CELF4: variants seen among roughly 807,000 people sequenced by gnomAD.
CELF4 encodes CUG-BP- and ETR-3-like factor 4.
Under a neutral mutation model 59.9 loss-of-function variants are expected in CELF4, and 18 were observed. The ratio of observed to expected loss-of-function variants is 0.30; its 90% confidence interval spans 0.21 to 0.45. The LOEUF is 0.45. Ranked by LOEUF, CELF4 falls within the 20% of genes least tolerant of loss-of-function variation. The probability of loss-of-function intolerance (pLI) is 1.00; values close to 1 mark genes in which losing one functional copy is unlikely to be tolerated. For synonymous variants in CELF4, 261 were observed against 267.1 expected (o/e 0.98, Z 0.22); for missense variants, 456 against 689.0 (o/e 0.66, Z 3.79).
intron 2 of CELF4, among the ~76,000 whole-genome samples, chr18:37,410,102 G>A (rs958303669): frequency 1.2e-4 from 19 of 152,230 alleles, no homozygotes; most frequent in African/African-American, 4.6e-4. Context: ...GTGCCGATGT[G>A]TGTGAGGTTC....
intron 2 of CELF4, among the ~76,000 whole-genome samples, chr18:37,373,880 G>A (rs1345356564): frequency 2.6e-5 from 4 of 152,236 alleles, no homozygotes; most frequent in Admixed American, 6.5e-5. Flanking sequence ...CACAGCCTCT[G>A]TCAAGCTGCC....
intron 8 of CELF4, 129 bp downstream of exon 8, chr18:37,270,639 T>C: frequency 2.6e-6 from 3 of 1,149,274 alleles, no homozygotes; most frequent in Non-Finnish European, 3.7e-6. Context: ...CCCTCTCTGA[T>C]CACACTTGGG....
intron 2 of CELF4, among the ~76,000 whole-genome samples, chr18:37,475,623 G>A (rs1006822300): frequency 6.6e-6 from 1 of 152,202 alleles, no homozygotes. Flanking sequence ...GAGCGGGGAA[G>A]CTGGAGACTT....
At chr18:37,289,024 C>G (rs1329704404) in intron 3 of CELF4, among the ~76,000 whole-genome samples, 2 of 152,176 alleles carry the variant, frequency 1.3e-5, no homozygotes, top group African/African-American at 4.8e-5. Flanking sequence ...ACCACTCAGT[C>G]CGGCAGTCAG....
chr18:37,489,977 T>C (rs2099895619), intron 1 of CELF4, among the ~76,000 whole-genome samples: 1 of 152,148 alleles, frequency 6.6e-6, no homozygotes, highest in South Asian at 2.1e-4. Context: ...AAGGATCCAG[T>C]GTGGCTGCTT....
In CELF4 at chr18:37,457,257, C is replaced by T. The variant is rs115733711; in HGVS notation, c.369+28268G>A. Among the ~76,000 whole-genome samples, 870 of 152,286 alleles carry T rather than the reference C, an allele frequency of 5.7e-3. 11 individuals carry two copies. Among genetic ancestry groups the T allele is most frequent in the African/African-American group, 0.02 (819 of 41,560 alleles). On this transcript the variant is annotated intron_variant, in intron 2 of 12. Coordinates refer to ENST00000420428, the MANE Select transcript of CELF4 (RefSeq NM_020180.4). ...TCTTCAGGAGACACCAGCGGCTGAT[C>T]GTGGCCCCTCGCTGCCAGCTAGGCC...
intron 2 of CELF4, among the ~76,000 whole-genome samples, chr18:37,440,232 G>A (rs192863423): frequency 4.1e-4 from 63 of 152,304 alleles, no homozygotes; most frequent in African/African-American, 1.4e-3. Flanking sequence ...GGGGGGCCTC[G>A]GTGAGGGGGA....
intron 2 of CELF4, among the ~76,000 whole-genome samples, chr18:37,389,102 G>T (rs2099129989): frequency 6.6e-6 from 1 of 152,188 alleles, no homozygotes; most frequent in South Asian, 2.1e-4. Flanking sequence ...AAACACAGAG[G>T]AAATGAGGGG....
intron 1 of CELF4, among the ~76,000 whole-genome samples, chr18:37,502,599 G>A (rs944078880): frequency 1.3e-5 from 2 of 152,106 alleles, no homozygotes; most frequent in Non-Finnish European, 2.9e-5. Flanking sequence ...AGTGTGGCCC[G>A]GGCCCCACTG....
chr18:37,410,237 A>G (rs2099429316), intron 2 of CELF4, among the ~76,000 whole-genome samples: 1 of 152,218 alleles, frequency 6.6e-6, no homozygotes, highest in Non-Finnish European at 1.5e-5. Flanking sequence ...TCCAGGCCCA[A>G]TTAATCTACT....
At chr18:37,322,694 C>A (rs2097166365) in intron 2 of CELF4, among the ~76,000 whole-genome samples, 1 of 152,214 alleles carries the variant, frequency 6.6e-6, no homozygotes, top group Non-Finnish European at 1.5e-5. Context: ...GTGGGCTCTA[C>A]AGCCCGGAGG....
chr18:37,288,163 G>A (rs1267919683), intron 3 of CELF4, among the ~76,000 whole-genome samples: 1 of 152,216 alleles, frequency 6.6e-6, no homozygotes, highest in Non-Finnish European at 1.5e-5. Flanking sequence ...GTTTACTGTG[G>A]ACACCTGAAG....
At position 37,254,743 on chromosome 18, in the gene CELF4, C is replaced by G. The variant is rs190832773; in HGVS notation, c.1334-805G>C. Among the ~76,000 whole-genome samples, 1 of 152,268 alleles carries G rather than the reference C, an allele frequency of 6.6e-6. No individual in the cohort carries two copies. Among genetic ancestry groups the G allele is most frequent in the African/African-American group, 2.4e-5 (1 of 41,478 alleles). On this transcript the variant is annotated intron_variant, in intron 11 of 12. Transcript: ENST00000420428. The surrounding 1 kb of genome is among the most constrained non-coding windows in gnomAD (Gnocchi z 5.1). ...CTTCCCACGCGTTCACTCCTGTGCC[C>G]AGATGGCATGCAGAACCTTGCGGCT...
At chr18:37,549,639 G>T (rs1328105032) in intron 1 of CELF4, among the ~76,000 whole-genome samples, 1 of 152,048 alleles carries the variant, frequency 6.6e-6, no homozygotes, top group African/African-American at 2.4e-5. Flanking sequence ...ACTGTACCTG[G>T]TTGCAATAGG....
intron 2 of CELF4, among the ~76,000 whole-genome samples, chr18:37,355,181 C>T (rs1051904907): frequency 1.3e-5 from 2 of 152,172 alleles, no homozygotes; most frequent in African/African-American, 2.4e-5. Context: ...AAGGTGTGCA[C>T]ATACAGGACA....
chr18:37,474,706 G>C (rs1165157662), intron 2 of CELF4, among the ~76,000 whole-genome samples: 2 of 152,246 alleles, frequency 1.3e-5, no homozygotes, highest in African/African-American at 2.4e-5. Flanking sequence ...ACAGTGATTG[G>C]TAGCTGTCAT....
chr18:37,371,787 C>T (rs911366379), intron 2 of CELF4, among the ~76,000 whole-genome samples: 1 of 152,132 alleles, frequency 6.6e-6, no homozygotes, highest in Admixed American at 6.5e-5. Context: ...AGTGCCCAGG[C>T]CCTGGGGATG....
intron 2 of CELF4, among the ~76,000 whole-genome samples, chr18:37,434,833 T>C (rs2099684725): frequency 6.6e-6 from 1 of 152,180 alleles, no homozygotes; most frequent in Non-Finnish European, 1.5e-5. Flanking sequence ...TGATTTGCGA[T>C]GTTGCTCCTA....
chr18:37,405,234 C>T (rs2099371728), intron 2 of CELF4, among the ~76,000 whole-genome samples: 2 of 152,244 alleles, frequency 1.3e-5, no homozygotes, highest in Admixed American at 1.3e-4. Context: ...GTGTTGTCCA[C>T]AGGTCCCATG....
Sources: allele counts gnomAD v4.1 joint callset (sites outside exome capture counted in the v4.1 genomes callset), GRCh38; gene constraint gnomAD v4.1.1; non-coding constraint Gnocchi (gnomAD v3.1); transcripts MANE v1.5; gene names NCBI Gene and HGNC (gene_info 2026-07-23, HGNC 2026-07-21).